IL6ST: variants seen among roughly 807,000 people sequenced by gnomAD.
IL6ST encodes the protein interleukin-6 receptor subunit beta.
A neutral mutation model predicts 91.3 loss-of-function variants in IL6ST; 24 were observed. The observed-to-expected ratio is 0.26, with a 90% CI of 0.19 to 0.37. The LOEUF (loss-of-function observed/expected upper bound fraction) is 0.37, where lower values mean the gene tolerates loss of function less well. Ranked by LOEUF, IL6ST falls within the 10% of genes least tolerant of loss-of-function variation. The pLI is 1.00. For synonymous variants in IL6ST, 351 were observed against 373.6 expected, an observed-to-expected ratio of 0.94 and a Z score of 0.70; for missense variants, 914 against 1,078.5, an observed-to-expected ratio of 0.85 and a Z score of 2.14.
chr5:55,977,687 G>A (rs1031236348), intron 2 of IL6ST, among the ~76,000 whole-genome samples: 5 of 152,134 alleles, frequency 3.3e-5, no homozygotes, highest in African/African-American at 4.8e-5. Flanking sequence ...GTAGCTTGGC[G>A]TGGTGGCGGG....
intron 3 of IL6ST, among the ~76,000 whole-genome samples, chr5:55,973,177 T>G (rs535497271): frequency 6.6e-6 from 1 of 152,316 alleles, no homozygotes; most frequent in South Asian, 2.1e-4. Context: ...GAGGATAGTC[T>G]TAAGTAGAAT....
At chr5:55,943,937 G>A (rs1351420867) in intron 15 of IL6ST, among the ~76,000 whole-genome samples, 1 of 152,108 alleles carries the variant, frequency 6.6e-6, no homozygotes, top group Non-Finnish European at 1.5e-5. Context: ...AATTAGCCAG[G>A]CATGGTGGTG....
Position 55,940,635 on chromosome 5 carries a change from T to G in IL6ST, c.*447A>C, listed in dbSNP as rs1265479150. 1 of 219,370 alleles carries G rather than the reference T, an allele frequency of 4.6e-6. No homozygotes were observed. Among genetic ancestry groups the G allele is most frequent in the Non-Finnish European group, 9.2e-6 (1 of 109,270 alleles). The allele number at this position is 219,370 out of a possible 1,614,324, so 13.6% of individuals were successfully genotyped here. On this transcript the variant is annotated 3_prime_UTR_variant, in exon 17 of 17. Transcript: ENST00000381298. ...TCTTTTTAAGTTATTTTAGCAGAAG[T>G]AGATGATGGTCTACACCTTGCTCCT...
At chr5:55,994,555 G>A (rs568496677) in intron 1 of IL6ST, among the ~76,000 whole-genome samples, 1 of 152,160 alleles carries the variant, frequency 6.6e-6, no homozygotes, top group South Asian at 2.1e-4. Context: ...GCGCCTGGGT[G>A]AAGTTTGTAC....
At chr5:55,985,532 A>AT (rs199741118) in intron 1 of IL6ST, among the ~76,000 whole-genome samples, 5,023 of 151,768 alleles carry the variant, frequency 0.033, 286 homozygotes, top group African/African-American at 0.11. Flanking sequence ...AAAAAAAAAA[A>AT]ATATAAAAAA....
At chr5:55,963,677 A>T (rs1752469959) in intron 6 of IL6ST, among the ~76,000 whole-genome samples, 171 bp from the exon 7 acceptor site, 1 of 152,180 alleles carries the variant, frequency 6.6e-6, no homozygotes. Flanking sequence ...GGAAAAAAAA[A>T]GATTTCTAAA....
chr5:55,948,596 G>A (rs569347703), intron 14 of IL6ST, among the ~76,000 whole-genome samples: 1 of 151,974 alleles, frequency 6.6e-6, no homozygotes, highest in East Asian at 1.9e-4. Context: ...ATTGATATAT[G>A]TGTGTATATA....
intron 11 of IL6ST, among the ~76,000 whole-genome samples, chr5:55,952,821 G>GA (rs1374449965): frequency 6.6e-6 from 1 of 152,140 alleles, no homozygotes; most frequent in Non-Finnish European, 1.5e-5. Context: ...CAGCACTTTG[G>GA]GAGGTTAAGG....
At chr5:55,981,913 T>C (rs1046161807) in intron 2 of IL6ST, among the ~76,000 whole-genome samples, 1 of 152,224 alleles carries the variant, frequency 6.6e-6, no homozygotes, top group Non-Finnish European at 1.5e-5. Flanking sequence ...AACCAAAAGC[T>C]GTAATCATTC....
intron 3 of IL6ST, among the ~76,000 whole-genome samples, chr5:55,972,788 TGA>T (rs1237551324): frequency 2.0e-5 from 3 of 152,060 alleles, no homozygotes; most frequent in Non-Finnish European, 4.4e-5. Flanking sequence ...ATGGATCACC[TGA>T]GATGAGGAGT....
intron 8 of IL6ST, chr5:55,959,615 TAAA>T (rs1225030940): frequency 2.3e-6 from 3 of 1,283,064 alleles, no homozygotes; most frequent in Non-Finnish European, 3.1e-6. Context: ...AAAAGGAAAA[TAAA>T]AACTAACCAA....
Position 55,938,595 on chromosome 5 carries a change from G to C in IL6ST, c.*2487C>G, listed in dbSNP as rs1750681635. 5.1e-6 allele frequency: 1 copy of C among 197,110 alleles called. No individual in the cohort carries two copies. The highest frequency in any genetic ancestry group is 1.9e-4 in the South Asian group (1 of 5,232). 12.2% of individuals were successfully genotyped at this position (197,110 alleles called of 1,614,324 possible). A position where few individuals can be genotyped will look rare whatever the true frequency, so the allele number is the denominator to read the frequency against. ...GCTATTACTTTAAACACCACTTTTGGACACTAAAGATTTAAAGTGATAAAG... is the reference window on the plus strand; with the variant it reads ...GCTATTACTTTAAACACCACTTTTGCACACTAAAGATTTAAAGTGATAAAG... On this transcript the variant is annotated 3_prime_UTR_variant, in exon 17 of 17. Coordinates refer to ENST00000381298, the MANE Select transcript of IL6ST (RefSeq NM_002184.4).
rs1337163570 is a variant in IL6ST at position 55,940,690 on chromosome 5, T to C, written c.*392A>G. 1 of 233,718 alleles carries C rather than the reference T, an allele frequency of 4.3e-6. No homozygotes were observed. The highest frequency in any genetic ancestry group is 2.2e-5 in the African/African-American group (1 of 44,846). The allele number at this position is 233,718 out of a possible 1,614,324, so 14.5% of individuals were successfully genotyped here. A position where few individuals can be genotyped will look rare whatever the true frequency, so the allele number is the denominator to read the frequency against. On this transcript the variant is annotated 3_prime_UTR_variant, in exon 17 of 17. Transcript: ENST00000381298. ...TATATTAACTGTCCCTAAGCCACTCTGATGACTATTCTAATCAAAATCAGT... is the reference window on the plus strand; with the variant it reads ...TATATTAACTGTCCCTAAGCCACTCCGATGACTATTCTAATCAAAATCAGT...
chr5:55,960,387 T>C lies in IL6ST; in HGVS notation c.973+15A>G, dbSNP rs1192840905. On this transcript the variant is annotated intron_variant, in intron 8 of 16. Coordinates refer to ENST00000381298, the MANE Select transcript of IL6ST (RefSeq NM_002184.4). ...ATTCCAATAGCTTTACTTCTTCATATACTTATGTACTTACTATCTTCATAG... is the reference window on the plus strand; with the variant it reads ...ATTCCAATAGCTTTACTTCTTCATACACTTATGTACTTACTATCTTCATAG... The C allele has an allele frequency of 3.1e-6, 5 of 1,599,200 alleles. No individual in the cohort carries two copies. Among genetic ancestry groups the C allele is most frequent in the Non-Finnish European group, 4.3e-6 (5 of 1,171,632 alleles).
intron 8 of IL6ST, 88 bp downstream of exon 8, chr5:55,960,314 G>A (rs1752233978): frequency 2.1e-6 from 2 of 973,356 alleles, no homozygotes. Flanking sequence ...CACAAACTAA[G>A]AAGCAATGAG....
chr5:55,963,507 C>G lies in IL6ST; in HGVS notation c.659-1G>C. The stretch of plus-strand genomic sequence containing the variant: ...AAATTATGTGGCGGATTGGGCTTCA[C>G]TGAAAAATAAAATAAATCCTAAGGT... On this transcript the variant is annotated splice_acceptor_variant, in intron 6 of 16. Coordinates refer to ENST00000381298, the MANE Select transcript of IL6ST (RefSeq NM_002184.4). LOFTEE classifies it high-confidence loss of function. 1 of 1,600,480 alleles carries G rather than the reference C, an allele frequency of 6.2e-7. No individual in the cohort carries two copies. Among genetic ancestry groups the G allele is most frequent in the Non-Finnish European group, 8.5e-7 (1 of 1,173,274 alleles).
chr5:55,948,005 G>C (rs1380000240), intron 14 of IL6ST, among the ~76,000 whole-genome samples: 1 of 152,044 alleles, frequency 6.6e-6, no homozygotes, highest in Admixed American at 6.5e-5. Context: ...TATAAATACT[G>C]GGTAAAATGG....
At chr5:55,987,408 A>C (rs1754034965) in intron 1 of IL6ST, among the ~76,000 whole-genome samples, 1 of 152,248 alleles carries the variant, frequency 6.6e-6, no homozygotes, top group South Asian at 2.1e-4. Flanking sequence ...TTAACAGACC[A>C]AAGGAAAATG....
intron 3 of IL6ST, among the ~76,000 whole-genome samples, chr5:55,972,456 G>A (rs947087743): frequency 1.3e-5 from 2 of 152,144 alleles, no homozygotes; most frequent in East Asian, 3.9e-4. Flanking sequence ...AGCTTGCAGT[G>A]AGCCAAGATC....
Sources: allele counts gnomAD v4.1 joint callset (sites outside exome capture counted in the v4.1 genomes callset), GRCh38; gene constraint gnomAD v4.1.1; transcripts MANE v1.5; gene names NCBI Gene and HGNC (gene_info 2026-07-23, HGNC 2026-07-21).